The following TMTC2 variants were observed in gnomAD, a reference collection of about 807,000 sequenced individuals.
The protein encoded by TMTC2 is transmembrane O-mannosyltransferase targeting cadherins 2.
TMTC2 carries 43 observed loss-of-function variants against 82.4 expected under a neutral mutation model. The observed-to-expected ratio is 0.52, with a 90% CI of 0.41 to 0.67. The LOEUF is 0.67. Ranked by LOEUF, TMTC2 falls within the 30% of genes least tolerant of loss-of-function variation. TMTC2 has a pLI of 0.00. For synonymous variants in TMTC2, 408 were observed against 381.9 expected, an observed-to-expected ratio of 1.07 and a Z score of -0.80; for missense variants, 919 against 1,012.4, an observed-to-expected ratio of 0.91 and a Z score of 1.25.
intron 7 of TMTC2, 107 bp downstream of exon 7, chr12:82,967,104 C>T: frequency 1.2e-6 from 1 of 811,876 alleles, no homozygotes; most frequent in Non-Finnish European, 1.9e-6. Context: ...TTAATCCTCA[C>T]AAAAGAAACG....
intron 11 of TMTC2, among the ~76,000 whole-genome samples, chr12:83,108,277 ATTT>A (rs969767641): frequency 2.6e-5 from 4 of 152,088 alleles, no homozygotes; most frequent in African/African-American, 9.7e-5. Flanking sequence ...TTATATATTA[ATTT>A]TTTATTTATT....
At chr12:83,113,419 G>A (rs1274286161) in intron 11 of TMTC2, among the ~76,000 whole-genome samples, 1 of 152,170 alleles carries the variant, frequency 6.6e-6, no homozygotes, top group Non-Finnish European at 1.5e-5. Context: ...GCCGATTGTG[G>A]CAATTTCAGA....
intron 11 of TMTC2, among the ~76,000 whole-genome samples, chr12:83,086,836 T>G (rs1229918012): frequency 6.6e-6 from 1 of 152,314 alleles, no homozygotes; most frequent in East Asian, 1.9e-4. Flanking sequence ...AGTAGTAATC[T>G]TTTTTTGCTG....
chr12:82,721,629 A>C (rs1874211563), intron 1 of TMTC2, among the ~76,000 whole-genome samples: 2 of 152,220 alleles, frequency 1.3e-5, no homozygotes, highest in South Asian at 4.1e-4. Flanking sequence ...AGCATAACTG[A>C]CTAATTTAGC....
intron 1 of TMTC2, among the ~76,000 whole-genome samples, chr12:82,825,050 C>T (rs767539328): frequency 3.3e-5 from 5 of 150,356 alleles, no homozygotes; most frequent in Admixed American, 6.6e-5. Flanking sequence ...GATCGTGCCA[C>T]GGCATTCCAG....
chr12:83,007,643 A>G (rs150481556), intron 8 of TMTC2, among the ~76,000 whole-genome samples: 23 of 152,294 alleles, frequency 1.5e-4, no homozygotes, highest in African/African-American at 5.5e-4. Context: ...AATTATTACT[A>G]TTGTTACATT....
At chr12:82,815,249 C>T (rs1868626076) in intron 1 of TMTC2, among the ~76,000 whole-genome samples, 1 of 150,998 alleles carries the variant, frequency 6.6e-6, no homozygotes, top group Admixed American at 6.6e-5. Flanking sequence ...TCACTGCAAG[C>T]TCCGCCTCCC....
chr12:83,068,561 G>A (rs1447796976), intron 11 of TMTC2, among the ~76,000 whole-genome samples: 2 of 152,060 alleles, frequency 1.3e-5, no homozygotes, highest in Non-Finnish European at 2.9e-5. Flanking sequence ...CATACCATAT[G>A]TCTCCTGACT....
chr12:83,023,077 G>A (rs951472989), intron 8 of TMTC2, among the ~76,000 whole-genome samples: 1 of 152,178 alleles, frequency 6.6e-6, no homozygotes, highest in Non-Finnish European at 1.5e-5. Flanking sequence ...TAGTGTGTCT[G>A]TGATTTAATG....
At chr12:83,074,647 C>G (rs935800633) in intron 11 of TMTC2, among the ~76,000 whole-genome samples, 2 of 152,004 alleles carry the variant, frequency 1.3e-5, no homozygotes, top group South Asian at 2.1e-4. Context: ...AGGCCTCACC[C>G]AGGTCCCATA....
At chr12:83,087,317 C>A (rs1391522169) in intron 11 of TMTC2, among the ~76,000 whole-genome samples, 1 of 152,162 alleles carries the variant, frequency 6.6e-6, no homozygotes, top group Non-Finnish European at 1.5e-5. Context: ...GCAGTTCCTC[C>A]TCCACTGAAA....
intron 1 of TMTC2, among the ~76,000 whole-genome samples, chr12:82,688,091 A>G (rs1412422727): frequency 6.6e-6 from 1 of 152,140 alleles, no homozygotes; most frequent in African/African-American, 2.4e-5. Context: ...GTTTCCTTTT[A>G]TTGATGGGAC....
At chr12:82,797,460 C>T (rs1565754434) in intron 1 of TMTC2, among the ~76,000 whole-genome samples, 1 of 152,012 alleles carries the variant, frequency 6.6e-6, no homozygotes, top group African/African-American at 2.4e-5. Context: ...GAGAAATGAC[C>T]ATGTAGCAGC....
At chr12:83,080,763 A>T (rs774193438) in intron 11 of TMTC2, among the ~76,000 whole-genome samples, 1 of 152,220 alleles carries the variant, frequency 6.6e-6, no homozygotes, top group South Asian at 2.1e-4. Context: ...AATTGTCCAG[A>T]GTATCTAATC....
At chr12:82,816,744 T>C (rs1332647481) in intron 1 of TMTC2, among the ~76,000 whole-genome samples, 1 of 152,036 alleles carries the variant, frequency 6.6e-6, no homozygotes, top group Non-Finnish European at 1.5e-5. Context: ...GCTTACAAGA[T>C]AATAAACTTC....
chr12:82,764,129 T>A (rs1357603089), intron 1 of TMTC2, among the ~76,000 whole-genome samples: 3 of 152,156 alleles, frequency 2.0e-5, no homozygotes, highest in Non-Finnish European at 4.4e-5. Flanking sequence ...CAGATATACA[T>A]ATACACACAC....
chr12:82,911,879 G>A (rs1038917851), intron 3 of TMTC2, among the ~76,000 whole-genome samples: 1 of 152,134 alleles, frequency 6.6e-6, no homozygotes, highest in African/African-American at 2.4e-5. Flanking sequence ...CAAAGTGCTG[G>A]GACTACAGGT....
intron 4 of TMTC2, among the ~76,000 whole-genome samples, chr12:82,931,010 G>A (rs1875998835): frequency 6.6e-6 from 1 of 152,108 alleles, no homozygotes; most frequent in South Asian, 2.1e-4. Context: ...CTGAGCTCAA[G>A]CAATCCTTCT....
intron 8 of TMTC2, among the ~76,000 whole-genome samples, chr12:83,008,836 A>C (rs1205476881): frequency 6.6e-6 from 1 of 152,020 alleles, no homozygotes; most frequent in Non-Finnish European, 1.5e-5. Flanking sequence ...GAGGCTTCAA[A>C]TTTCTCTTCC....
Sources: gnomAD v4.1 joint callset for allele counts (sites outside exome capture counted in the v4.1 genomes callset) on GRCh38, gnomAD v4.1.1 for gene constraint, MANE v1.5 for transcripts, NCBI Gene and HGNC (gene_info 2026-07-23, HGNC 2026-07-21) for gene names.